Variants in UBE2G1 observed in about 807,000 individuals in gnomAD.
UBE2G1 encodes ubiquitin conjugating enzyme E2 G1.
Under a neutral mutation model 22.7 loss-of-function variants are expected in UBE2G1, and 5 were observed. That is an observed-to-expected ratio of 0.22 (90% CI 0.12 to 0.46). UBE2G1 has a LOEUF of 0.46. UBE2G1 is among the 20% of genes least tolerant of loss of function. UBE2G1 has a pLI of 0.99. For synonymous variants in UBE2G1, 74 were observed against 67.5 expected (o/e 1.10, Z -0.47); for missense variants, 88 against 203.9 (o/e 0.43, Z 3.46).
intron 5 of UBE2G1, among the ~76,000 whole-genome samples, chr17:4,279,340 T>C (rs1013157575): frequency 1.3e-5 from 2 of 151,280 alleles, no homozygotes; most frequent in Non-Finnish European, 2.9e-5. Flanking sequence ...GGAAATCTGA[T>C]TGTAGAACAT....
chr17:4,357,365 T>C (rs1249689110), intron 1 of UBE2G1, among the ~76,000 whole-genome samples: 1 of 152,024 alleles, frequency 6.6e-6, no homozygotes, highest in East Asian at 1.9e-4. Context: ...ATCATAGGTA[T>C]GCATATATAG....
At chr17:4,314,869 G>A (rs536369807) in intron 1 of UBE2G1, among the ~76,000 whole-genome samples, 1 of 152,172 alleles carries the variant, frequency 6.6e-6, no homozygotes, top group Admixed American at 6.5e-5. Context: ...TACTCTGCAG[G>A]ATATTCTAAA....
chr17:4,358,937 A>G (rs1469699813), intron 1 of UBE2G1, among the ~76,000 whole-genome samples: 3 of 152,070 alleles, frequency 2.0e-5, no homozygotes, highest in African/African-American at 7.2e-5. Flanking sequence ...GGGCAACAAG[A>G]GCGAAACTCC....
intron 3 of UBE2G1, among the ~76,000 whole-genome samples, chr17:4,292,402 T>C (rs919517201): frequency 1.3e-5 from 2 of 152,094 alleles, no homozygotes; most frequent in African/African-American, 4.8e-5. Flanking sequence ...CTACCTCCTT[T>C]TTCTTGAGGC....
intron 1 of UBE2G1, among the ~76,000 whole-genome samples, chr17:4,355,828 G>A (rs1331599425): frequency 1.7e-4 from 24 of 144,982 alleles, no homozygotes; most frequent in Non-Finnish European, 3.0e-4. Flanking sequence ...AGCCTCCTGA[G>A]TAGCTGGGAT....
Position 4,301,457 on chromosome 17 carries a change from C to G in UBE2G1, c.150-4643G>C, listed in dbSNP as rs9904325. 0.011 allele frequency: 7,902 copies of G among 738,414 alleles called. 487 individuals are homozygous for G. In the African/African-American group the frequency reaches 0.12, roughly 11 times the overall value. 45.7% of individuals were successfully genotyped at this position (738,414 alleles called of 1,614,324 possible). On this transcript the variant is annotated intron_variant, in intron 2 of 5. Transcript: ENST00000396981. Reference sequence around the variant, plus strand: ...TGATGTGTTTCCTTGGCTTCAGCAGCTATTTTTGCTATAATAATCCTGCTG... The same window carrying G: ...TGATGTGTTTCCTTGGCTTCAGCAGGTATTTTTGCTATAATAATCCTGCTG...
chr17:4,363,950 CAAAA>C (rs1195720643), intron 1 of UBE2G1, among the ~76,000 whole-genome samples: 38 of 43,898 alleles, frequency 8.7e-4, no homozygotes, highest in East Asian at 4.0e-3. Flanking sequence ...GACTCCGTCT[CAAAA>C]AAAAAAAAAA....
intron 2 of UBE2G1, among the ~76,000 whole-genome samples, chr17:4,305,979 T>G (rs560274217): frequency 2.0e-5 from 3 of 152,268 alleles, no homozygotes; most frequent in Non-Finnish European, 4.4e-5. Context: ...TTTCTCTTCT[T>G]CTACTGCTCT....
chr17:4,289,152 C>T (rs1969005815), intron 4 of UBE2G1, 78 bp downstream of exon 4: 2 of 1,327,346 alleles, frequency 1.5e-6, no homozygotes, highest in East Asian at 5.2e-5. Context: ...TTCATGCATA[C>T]TTACATACAT....
intron 1 of UBE2G1, among the ~76,000 whole-genome samples, chr17:4,337,803 A>C (rs1360885016): frequency 6.6e-6 from 1 of 152,170 alleles, no homozygotes; most frequent in Non-Finnish European, 1.5e-5. Context: ...TTAGAAAATA[A>C]ACATTTAAAA....
In UBE2G1 at chr17:4,299,744, G is replaced by A. The variant is rs151040531; in HGVS notation, c.150-2930C>T. 1.3e-4 allele frequency among the ~76,000 whole-genome samples: 19 copies of A among 151,812 alleles called. 1 individual carries two copies. In the East Asian group the frequency reaches 3.5e-3, roughly 28 times the overall value. On this transcript the variant is annotated intron_variant, in intron 2 of 5. Transcript: ENST00000396981. Reference sequence around the variant, plus strand: ...TCTGAAGCAACCATAGCATTTCTGAGTTTTTCTCCTATCTGTGGACCCCTC... The same window carrying A: ...TCTGAAGCAACCATAGCATTTCTGAATTTTTCTCCTATCTGTGGACCCCTC...
At chr17:4,315,530 G>A (rs1969356425) in intron 1 of UBE2G1, among the ~76,000 whole-genome samples, 1 of 151,764 alleles carries the variant, frequency 6.6e-6, no homozygotes, top group Non-Finnish European at 1.5e-5. Flanking sequence ...CATGAGGTCA[G>A]GAGATGGAGA....
At chr17:4,365,420 C>T (rs1204564621) in intron 1 of UBE2G1, among the ~76,000 whole-genome samples, 1 of 152,236 alleles carries the variant, frequency 6.6e-6, no homozygotes, top group African/African-American at 2.4e-5. Context: ...CTGGAAGCCG[C>T]AAACGGCCGG....
intron 1 of UBE2G1, among the ~76,000 whole-genome samples, chr17:4,325,782 T>C (rs1197676862): frequency 6.6e-6 from 1 of 151,984 alleles, no homozygotes; most frequent in Non-Finnish European, 1.5e-5. Flanking sequence ...TATACACCAA[T>C]GAAACAAAAT....
intron 5 of UBE2G1, among the ~76,000 whole-genome samples, chr17:4,280,038 T>A (rs1968867978): frequency 7.3e-6 from 1 of 136,676 alleles, no homozygotes; most frequent in Non-Finnish European, 1.6e-5. Context: ...ATAGATAGAC[T>A]TTTTTTTTTT....
chr17:4,353,321 G>C (rs1969866844), intron 1 of UBE2G1, among the ~76,000 whole-genome samples: 1 of 151,974 alleles, frequency 6.6e-6, no homozygotes, highest in Non-Finnish European at 1.5e-5. Flanking sequence ...CAAGTAAATG[G>C]AAAAGAAAAA....
rs530434478 is a variant in UBE2G1, at chr17:4,316,997, G to A, written c.47-9874C>T. Among the ~76,000 whole-genome samples the A allele has an allele frequency of 1.1e-3, 160 of 151,608 alleles. 2 individuals are homozygous for A. Among genetic ancestry groups the A allele is most frequent in the African/African-American group, 3.8e-3 (155 of 41,246 alleles). ...CGGTGGCCTCTAATCCGAACACTTT[G>A]GGAGGCCGAGGCAGGAGGATCGCTT... On this transcript the variant is annotated intron_variant, in intron 1 of 5. Coordinates refer to ENST00000396981, the MANE Select transcript of UBE2G1 (RefSeq NM_003342.5).
Position 4,366,471 on chromosome 17 carries a change from C to T in UBE2G1, c.-155G>A. ...CGGGCTGAGGCGGCGGGAGCGGCGC[C>T]TCGCTGCCGGTGCGAGTCCGCTCGC... On this transcript the variant is annotated 5_prime_UTR_variant, in exon 1 of 6. Coordinates refer to ENST00000396981, the MANE Select transcript of UBE2G1 (RefSeq NM_003342.5). The T allele has an allele frequency of 3.0e-6, 2 of 661,168 alleles. No individual in the cohort carries two copies. Among genetic ancestry groups the T allele is most frequent in the Admixed American group, 4.4e-5 (1 of 22,746 alleles). The allele number at this position is 661,168 out of a possible 1,614,324, so 41.0% of individuals were successfully genotyped here.
chr17:4,334,786 G>A (rs1473364618), intron 1 of UBE2G1, among the ~76,000 whole-genome samples: 5 of 152,000 alleles, frequency 3.3e-5, no homozygotes, highest in African/African-American at 9.7e-5. Context: ...TGATCCACCC[G>A]CCTCAGCATC....
Sources: allele counts gnomAD v4.1 joint callset (sites outside exome capture counted in the v4.1 genomes callset), GRCh38; gene constraint gnomAD v4.1.1; transcripts MANE v1.5; gene names NCBI Gene and HGNC (gene_info 2026-07-23, HGNC 2026-07-21).